DTHD1: variants seen among roughly 807,000 people sequenced by gnomAD.
DTHD1 encodes the protein death domain containing 1.
Under a neutral mutation model 74.8 loss-of-function variants are expected in DTHD1, and 59 were observed. The observed-to-expected ratio is 0.79, with a 90% CI of 0.64 to 0.98. The LOEUF (loss-of-function observed/expected upper bound fraction) is 0.98. Ranked by LOEUF, DTHD1 falls within the 50% of genes least tolerant of loss-of-function variation. The probability of loss-of-function intolerance (pLI) is 0.00; values close to 1 mark genes in which losing one functional copy is unlikely to be tolerated. For synonymous variants in DTHD1, 365 were observed against 371.1 expected (o/e 0.98, Z 0.19); for missense variants, 1,051 against 1,065.4 (o/e 0.99, Z 0.19).
chr4:36,340,230 T>C (rs1360870920), intron 9 of DTHD1, among the ~76,000 whole-genome samples: 1 of 152,184 alleles, frequency 6.6e-6, no homozygotes, highest in Non-Finnish European at 1.5e-5. Context: ...TGAAAAGTTT[T>C]AAATGCCAAA....
chr4:36,283,651 G>T (rs1755525192), intron 1 of DTHD1, among the ~76,000 whole-genome samples: 1 of 152,224 alleles, frequency 6.6e-6, no homozygotes, highest in Non-Finnish European at 1.5e-5. Flanking sequence ...AAAAACAATT[G>T]AGGGAGATGT....
At chr4:36,292,907 G>C (rs1240111350) in intron 3 of DTHD1, among the ~76,000 whole-genome samples, 1 of 152,176 alleles carries the variant, frequency 6.6e-6, no homozygotes, top group Admixed American at 6.5e-5. Context: ...AAAAAACCTT[G>C]AGTATGTGTC....
intron 8 of DTHD1, among the ~76,000 whole-genome samples, chr4:36,320,416 C>G (rs1377155596): frequency 6.6e-6 from 1 of 152,192 alleles, no homozygotes; most frequent in African/African-American, 2.4e-5. Flanking sequence ...CTCTGCAAAC[C>G]TTACAGTTAC....
rs201684570 is a variant in DTHD1 at position 36,290,521 on chromosome 4, G to A, written c.1036G>A (p.Val346Ile). The change falls in exon 3 of 10, where the codon GTC becomes ATC. Residue 346 changes from valine to isoleucine, a missense_variant. Transcript: ENST00000639862. ...TGATAATGAAGAGTTAGTTAGCAACGTCATAACTATTGAATGCTCAGATAA... is the reference window on the plus strand; with the variant it reads ...TGATAATGAAGAGTTAGTTAGCAACATCATAACTATTGAATGCTCAGATAA... ...VGDNEELVSN[V>I]ITIECSDKEK... is the part of the protein sequence containing the mutation. 6 of 1,551,592 alleles carry A rather than the reference G, an allele frequency of 3.9e-6. No homozygotes were observed. The highest frequency in any genetic ancestry group is 3.6e-5 in the South Asian group (3 of 84,056).
intron 8 of DTHD1, among the ~76,000 whole-genome samples, chr4:36,318,612 C>CTTTTTTTTTTT: frequency 1.6e-3 from 174 of 111,774 alleles, no homozygotes; most frequent in Middle Eastern, 5.5e-3. Context: ...TTTTTCTTTT[C>CTTTTTTTTTTT]TTTTTTTTTT....
intron 8 of DTHD1, among the ~76,000 whole-genome samples, chr4:36,329,692 A>G (rs1758557164): frequency 6.6e-6 from 1 of 152,192 alleles, no homozygotes; most frequent in African/African-American, 2.4e-5. Flanking sequence ...CAATATACAC[A>G]CCAGTTTTAA....
intron 5 of DTHD1, among the ~76,000 whole-genome samples, chr4:36,298,324 A>G (rs1025444598): frequency 6.6e-6 from 1 of 152,154 alleles, no homozygotes; most frequent in Non-Finnish European, 1.5e-5. Context: ...TGCTAAAAAC[A>G]TTAGGTAAAT....
intron 8 of DTHD1, among the ~76,000 whole-genome samples, chr4:36,336,448 A>C (rs1334126586): frequency 6.6e-6 from 1 of 152,202 alleles, no homozygotes; most frequent in Non-Finnish European, 1.5e-5. Context: ...TGACCATTTC[A>C]ACATTTTGGG....
rs904842690 is a variant in DTHD1 at position 36,316,386 on chromosome 4, T to C, written c.2240T>C (p.Val747Ala). The change falls in exon 8 of 10, where the codon GTA becomes GCA. Residue 747 changes from valine (V) to alanine (A), a missense_variant. Transcript: ENST00000639862. Reference protein sequence around the residue: ...HYKGTIVVYKVPKGKIVPNLN... With the variant: ...HYKGTIVVYKAPKGKIVPNLN... Reference sequence around the variant, plus strand: ...AAAGGCACCATTGTCGTTTATAAAGTACCTAAAGGAAAGATAGTCCCCAAC... The same window carrying C: ...AAAGGCACCATTGTCGTTTATAAAGCACCTAAAGGAAAGATAGTCCCCAAC... 23 of 1,552,160 alleles carry C rather than the reference T, an allele frequency of 1.5e-5. No individual in the cohort carries two copies. In the African/African-American group the frequency reaches 2.7e-4, roughly 18 times the overall value.
intron 8 of DTHD1, among the ~76,000 whole-genome samples, chr4:36,334,422 G>A (rs958514295): frequency 4.7e-5 from 7 of 147,702 alleles, no homozygotes; most frequent in East Asian, 4.1e-4. Flanking sequence ...GCAGTGGCAC[G>A]ATCTCAGCTC....
intron 7 of DTHD1, among the ~76,000 whole-genome samples, chr4:36,312,030 T>C (rs1199107639): frequency 6.6e-6 from 1 of 152,164 alleles, no homozygotes; most frequent in African/African-American, 2.4e-5. Context: ...GGAAGATGGA[T>C]AGGTGCGTCC....
chr4:36,300,127 C>A (rs746097905), intron 5 of DTHD1, among the ~76,000 whole-genome samples: 1 of 152,074 alleles, frequency 6.6e-6, no homozygotes, highest in East Asian at 1.9e-4. Context: ...AGTCTTTGGG[C>A]GTGTTTATAT....
intron 8 of DTHD1, among the ~76,000 whole-genome samples, chr4:36,334,668 A>G (rs1758902924): frequency 6.6e-6 from 1 of 152,176 alleles, no homozygotes. Context: ...CACACTGCTT[A>G]ATTTTCTCAG....
In DTHD1 at chr4:36,281,709, A is replaced by G. The variant is rs1276495347; in HGVS notation, c.-50A>G. On this transcript the variant is annotated 5_prime_UTR_variant, in exon 1 of 10. Coordinates refer to ENST00000639862, the MANE Select transcript of DTHD1 (RefSeq NM_001170700.3). ...CAATCACAAAGTTTGAATTTGCAAA[A>G]CCTTTAGGCTTTGCTGGCAGGAGAG... is the stretch of plus-strand genomic sequence containing the variant. 8.1e-7 allele frequency: 1 copy of G among 1,234,122 alleles called. No homozygotes were observed. The highest frequency in any genetic ancestry group is 1.0e-6 in the Non-Finnish European group (1 of 988,452). The allele number at this position is 1,234,122 out of a possible 1,614,324, so 76.4% of individuals were successfully genotyped here. A position where few individuals can be genotyped will look rare whatever the true frequency, so the allele number is the denominator to read the frequency against.
intron 1 of DTHD1, among the ~76,000 whole-genome samples, chr4:36,282,796 A>G (rs1755474418): frequency 6.6e-6 from 1 of 152,218 alleles, no homozygotes; most frequent in African/African-American, 2.4e-5. Flanking sequence ...TCTAAAGGGC[A>G]AATAGTGGGC....
Position 36,294,892 on chromosome 4 carries a change from AC to A in DTHD1, c.1499del (p.Pro500HisfsTer29). 1 of 1,551,938 alleles carries A rather than the reference AC, an allele frequency of 6.4e-7. No homozygotes were observed. Among genetic ancestry groups the A allele is most frequent in the Non-Finnish European group, 8.7e-7 (1 of 1,146,822 alleles). ...QSTSPLIHIQ[H>X]PSTYPFQKPV... ...ACAAGCCCTCTGATTCACATTCAGC[AC>A]CCATCAACTTATCCTTTTCAGAAGC... On this transcript the variant is annotated frameshift_variant, in exon 5 of 10. Coordinates refer to ENST00000639862, the MANE Select transcript of DTHD1 (RefSeq NM_001170700.3). LOFTEE classifies it high-confidence loss of function.
chr4:36,317,271 T>C (rs938937161), intron 8 of DTHD1, among the ~76,000 whole-genome samples: 1 of 152,176 alleles, frequency 6.6e-6, no homozygotes, highest in African/African-American at 2.4e-5. Flanking sequence ...ACTTCTGAAA[T>C]AGGGGATGTG....
chr4:36,286,055 C>T lies in DTHD1; in HGVS notation c.887+1464C>T, dbSNP rs190875405. Among the ~76,000 whole-genome samples, 28 of 152,228 alleles carry T rather than the reference C, an allele frequency of 1.8e-4. No individual in the cohort carries two copies. In the East Asian group the frequency reaches 5.4e-3, roughly 29 times the overall value. ...GCTCACCTTGACCTTAGTTATCTCGCCCATAAAATGAAGAGGTGGTTCTAA... is the reference window on the plus strand; with the variant it reads ...GCTCACCTTGACCTTAGTTATCTCGTCCATAAAATGAAGAGGTGGTTCTAA... On this transcript the variant is annotated intron_variant, in intron 2 of 9. Transcript: ENST00000639862.
chr4:36,339,007 C>T, intron 8 of DTHD1, 105 bp from the exon 9 acceptor site: 2 of 890,090 alleles, frequency 2.2e-6, no homozygotes, highest in Non-Finnish European at 3.5e-6. Context: ...GTATGCAATT[C>T]AGTACTTCTT....
Sources: gnomAD v4.1 joint callset for allele counts (sites outside exome capture counted in the v4.1 genomes callset) on GRCh38, gnomAD v4.1.1 for gene constraint, MANE v1.5 for transcripts, NCBI Gene and HGNC (gene_info 2026-07-23, HGNC 2026-07-21) for gene names.